The following ACP3 variants were observed in gnomAD, a reference collection of about 807,000 sequenced individuals.
ACP3 encodes acid phosphatase 3, also known as prostatic acid phosphatase.
ACP3 carries 38 observed loss-of-function variants against 45.6 expected under a neutral mutation model. The observed-to-expected ratio is 0.83, with a 90% CI of 0.64 to 1.09. The LOEUF (loss-of-function observed/expected upper bound fraction) is 1.09, where lower values mean the gene tolerates loss of function less well. Among genes scored for constraint, ACP3 ranks in the 50% least tolerant of loss-of-function variants. The pLI is 0.00. For synonymous variants in ACP3, 162 were observed against 164.7 expected, an observed-to-expected ratio of 0.98 and a Z score of 0.13; for missense variants, 466 against 463.2, an observed-to-expected ratio of 1.01 and a Z score of -0.05.
In ACP3 at chr3:132,323,903, G is replaced by C. The variant is rs141704091; in HGVS notation, c.121-4364G>C. On this transcript the variant is annotated intron_variant, in intron 1 of 9. Transcript: ENST00000336375. ...TACAAGTTGATAATTGTTGGAGACA[G>C]TGGTGGGCTCATGATAAAAATCTCC... Among the ~76,000 whole-genome samples, 558 of 152,338 alleles carry C rather than the reference G, an allele frequency of 3.7e-3. 7 individuals carry two copies. Among genetic ancestry groups the C allele is most frequent in the African/African-American group, 0.013 (536 of 41,586 alleles).
At chr3:132,322,841 TG>T (rs1177400073) in intron 1 of ACP3, among the ~76,000 whole-genome samples, 1 of 152,250 alleles carries the variant, frequency 6.6e-6, no homozygotes, top group African/African-American at 2.4e-5. Flanking sequence ...TCTACTCTCC[TG>T]ATGGATTAAT....
intron 4 of ACP3, among the ~76,000 whole-genome samples, chr3:132,335,214 C>T (rs2107801378): frequency 6.6e-6 from 1 of 152,240 alleles, no homozygotes; most frequent in Non-Finnish European, 1.5e-5. Flanking sequence ...ACAAAAGAAA[C>T]CTGTATACAT....
chr3:132,346,893 A>G (rs1231886840), intron 7 of ACP3, among the ~76,000 whole-genome samples: 1 of 152,238 alleles, frequency 6.6e-6, no homozygotes, highest in East Asian at 1.9e-4. Flanking sequence ...GAGTTGAATC[A>G]GGATCTGCAT....
Position 132,358,247 on chromosome 3 carries a change from G to A in ACP3, c.*1369G>A. The stretch of plus-strand genomic sequence containing the variant: ...TCTCTACCAAAAAAAGGAAGGAAGG[G>A]ACACATATCAAACTGAAACAAAATT... On this transcript the variant is annotated 3_prime_UTR_variant, in exon 10 of 10. Coordinates refer to ENST00000336375, the MANE Select transcript of ACP3 (RefSeq NM_001099.5). 1 of 1,125,364 alleles carries A rather than the reference G, an allele frequency of 8.9e-7. No individual in the cohort carries two copies. Among genetic ancestry groups the A allele is most frequent in the Non-Finnish European group, 1.1e-6 (1 of 906,430 alleles). The allele number at this position is 1,125,364 out of a possible 1,614,324, so 69.7% of individuals were successfully genotyped here. A position where few individuals can be genotyped will look rare whatever the true frequency, so the allele number is the denominator to read the frequency against.
downstream of ACP3, among the ~76,000 whole-genome samples, chr3:132,362,896 G>A (rs146931861): frequency 2.7e-3 from 407 of 152,306 alleles, 3 homozygotes; most frequent in South Asian, 0.025. Flanking sequence ...TGTGCTCATG[G>A]AAAGGTTTTA....
At chr3:132,361,948 T>G (rs1229636259), downstream of ACP3, among the ~76,000 whole-genome samples, 1 of 152,276 alleles carries the variant, frequency 6.6e-6, no homozygotes, top group Admixed American at 6.5e-5. Flanking sequence ...TCCCTTATAC[T>G]ACGAAAATGC....
rs1175129138 is a variant in ACP3 at position 132,331,734 on chromosome 3, G to A, written c.303+1G>A. On this transcript the variant is annotated splice_donor_variant, in intron 3 of 9. Transcript: ENST00000336375. LOFTEE classifies it high-confidence loss of function. The stretch of plus-strand genomic sequence containing the variant: ...GAATGAGTCCTATAAACATGAACAG[G>A]CAAGTTGGGGAGCCAAGAGTGGGAA... 1 of 1,597,306 alleles carries A rather than the reference G, an allele frequency of 6.3e-7. No homozygotes were observed. The highest frequency in any genetic ancestry group is 8.5e-7 in the Non-Finnish European group (1 of 1,173,610).
At chr3:132,326,749 T>C (rs1937305000) in intron 1 of ACP3, among the ~76,000 whole-genome samples, 1 of 152,232 alleles carries the variant, frequency 6.6e-6, no homozygotes, top group Non-Finnish European at 1.5e-5. Context: ...TTTTACAGAA[T>C]TTCAAAAGAG....
chr3:132,347,011 C>T (rs1213738254), intron 7 of ACP3, among the ~76,000 whole-genome samples: 1 of 152,204 alleles, frequency 6.6e-6, no homozygotes, highest in Non-Finnish European at 1.5e-5. Context: ...CTCCACTTTC[C>T]TCATGTTTCC....
rs544346829 is a variant in ACP3 at position 132,364,241 on chromosome 3, G to A, written c.1139-3463G>A. ...TGCATCTGTGGTCCCAGCTTCCCCC[G>A]GGAGGCTGAGGTGGGAGGATCACCC... On this transcript the variant is annotated intron_variant, in intron 10 of 10. Transcript: ENST00000351273. Among the ~76,000 whole-genome samples, 7 of 152,256 alleles carry A rather than the reference G, an allele frequency of 4.6e-5. No individual in the cohort carries two copies. The South Asian group carries it at 1.0e-3, about 23-fold the overall frequency.
In ACP3 at chr3:132,357,595, A is replaced by G. The variant is rs1353787509; in HGVS notation, c.*717A>G. The stretch of plus-strand genomic sequence containing the variant: ...TACAGAAAGATTTGATGTATGTAAT[A>G]CATATAGCAGCTCTTGAAGTATATA... On this transcript the variant is annotated 3_prime_UTR_variant, in exon 10 of 10. Coordinates refer to ENST00000336375, the MANE Select transcript of ACP3 (RefSeq NM_001099.5). 5 of 984,378 alleles carry G rather than the reference A, an allele frequency of 5.1e-6. No homozygotes were observed. The allele number at this position is 984,378 out of a possible 1,614,324, so 61.0% of individuals were successfully genotyped here.
intron 1 of ACP3, among the ~76,000 whole-genome samples, chr3:132,323,600 T>G (rs974772987): frequency 6.6e-6 from 1 of 152,176 alleles, no homozygotes; most frequent in African/African-American, 2.4e-5. Context: ...GTGGTGTGTA[T>G]GCTGAGAGAA....
chr3:132,359,339 C>T (rs1320801359), downstream of ACP3, among the ~76,000 whole-genome samples: 2 of 152,114 alleles, frequency 1.3e-5, no homozygotes, highest in East Asian at 1.9e-4. Context: ...GGTGAAACCC[C>T]ATCTCTACTA....
chr3:132,368,026 G>A, exon 11 of ACP3: 1 of 516,766 alleles, frequency 1.9e-6, no homozygotes, highest in South Asian at 2.4e-5. Context: ...TTCTCATAAT[G>A]GAGTGGTAGT....
intron 1 of ACP3, among the ~76,000 whole-genome samples, chr3:132,322,860 C>T (rs1412590405): frequency 6.6e-6 from 1 of 152,212 alleles, no homozygotes; most frequent in Non-Finnish European, 1.5e-5. Flanking sequence ...AATGGATTAA[C>T]AGATTAATGG....
chr3:132,328,286 G>A lies in ACP3; in HGVS notation c.140G>A (p.Arg47Gln), dbSNP rs974512425. Reference protein sequence around the residue: ...FVTLVFRHGDRSPIDTFPTDP... With the variant: ...FVTLVFRHGDQSPIDTFPTDP... ...TTTCAGGTGTTTCGGCATGGAGACC[G>A]AAGTCCCATTGACACCTTTCCCACT... Residue 47 changes from arginine to glutamine, a missense_variant, in exon 2 of 10, where the codon CGA becomes CAA. Physicochemically the swap from Arg to Gln is conservative, Grantham distance 43. Coordinates refer to ENST00000336375, the MANE Select transcript of ACP3 (RefSeq NM_001099.5). 2.9e-5 allele frequency: 46 copies of A among 1,613,656 alleles called. No homozygotes were observed. The highest frequency in any genetic ancestry group is 7.7e-5 in the South Asian group (7 of 91,068).
rs776869610 is a variant in ACP3 at position 132,317,553 on chromosome 3, A to G, written c.97A>G (p.Lys33Glu). ...CTGGCTAGACCGAAGTGTACTAGCC[A>G]AGGAGTTGAAGTTTGTGACTTTGGT... ...FFWLDRSVLA[K>E]ELKFVTLVFR... The change falls in exon 1 of 10, where the codon AAG becomes GAG. Residue 33 changes from lysine to glutamate, a missense_variant. Lys to Glu is a moderately conservative substitution (Grantham distance 56, BLOSUM62 1). Transcript: ENST00000336375. 1 of 1,611,680 alleles carries G rather than the reference A, an allele frequency of 6.2e-7. No homozygotes were observed. Among genetic ancestry groups the G allele is most frequent in the African/African-American group, 1.3e-5 (1 of 74,842 alleles).
chr3:132,366,042 T>G (rs988739736), intron 10 of ACP3, among the ~76,000 whole-genome samples: 3 of 150,752 alleles, frequency 2.0e-5, no homozygotes, highest in Middle Eastern at 7.1e-3. Flanking sequence ...GGCTCACGTC[T>G]GTAATCCCAG....
chr3:132,327,853 A>T (rs1937326728), intron 1 of ACP3, among the ~76,000 whole-genome samples: 1 of 152,046 alleles, frequency 6.6e-6, no homozygotes, highest in Non-Finnish European at 1.5e-5. Flanking sequence ...ACTTCTCATC[A>T]GAGTTTGTCT....
Sources: gnomAD v4.1 joint callset for allele counts (sites outside exome capture counted in the v4.1 genomes callset) on GRCh38, gnomAD v4.1.1 for gene constraint, MANE v1.5 for transcripts, NCBI Gene and HGNC (gene_info 2026-07-23, HGNC 2026-07-21) for gene names.